Variants in ULBP2 observed in about 807,000 individuals in gnomAD.
ULBP2 encodes UL16-binding protein 2.
Under a neutral mutation model 23.6 loss-of-function variants are expected in ULBP2, and 21 were observed. The observed-to-expected ratio is 0.89, with a 90% CI of 0.63 to 1.28. The LOEUF (loss-of-function observed/expected upper bound fraction) is 1.28, where lower values mean the gene tolerates loss of function less well. ULBP2 is among the 50% of genes most tolerant of loss of function. The pLI is 0.00. For synonymous variants in ULBP2, 82 were observed against 112.8 expected, an observed-to-expected ratio of 0.73 and a Z score of 1.73; for missense variants, 251 against 306.0, an observed-to-expected ratio of 0.82 and a Z score of 1.34.
In ULBP2 at chr6:149,946,800, T is replaced by C. The variant is rs947204046; in HGVS notation, c.631+147T>C. ...CGTGGGGCGCTCCTCCTGGGGTTACTGGCATGCCTGTGCTCTCCCACCGTC... is the reference window on the plus strand; with the variant it reads ...CGTGGGGCGCTCCTCCTGGGGTTACCGGCATGCCTGTGCTCTCCCACCGTC... On this transcript the variant is annotated intron_variant, in intron 3 of 4. Coordinates refer to ENST00000367351, the MANE Select transcript of ULBP2 (RefSeq NM_025217.4). The C allele has an allele frequency of 5.9e-6, 8 of 1,362,056 alleles. No individual in the cohort carries two copies. The Admixed American group carries it at 6.8e-5, about 12-fold the overall frequency. 84.4% of individuals were successfully genotyped at this position (1,362,056 alleles called of 1,614,324 possible).
Position 149,942,146 on chromosome 6 carries a change from C to G in ULBP2, c.74C>G (p.Ala25Gly), listed in dbSNP as rs757838012. The G allele has an allele frequency of 6.2e-7, 1 of 1,605,966 alleles. No individual in the cohort carries two copies. The highest frequency in any genetic ancestry group is 2.3e-5 in the East Asian group (1 of 44,300). Residue 25 changes from alanine to glycine, a missense_variant, in exon 1 of 5, where the codon GCT (alanine) becomes GGT (glycine). Transcript: ENST00000367351. ...CTCCTGCTGTCCGGCTGGTCCCGGG[C>G]TGGGCGAGCCGGTGAGTTCGTGGAT... ...LLLLLSGWSR[A>G]GRADPHSLCY...
At chr6:149,946,341 A>G (rs1188683824) in intron 2 of ULBP2, 31 bp from the exon 3 acceptor site, 1 of 1,596,272 alleles carries the variant, frequency 6.3e-7, no homozygotes, top group Non-Finnish European at 8.6e-7. Context: ...ATTTGTCAAG[A>G]TCAGAGCTGA....
chr6:149,943,739 T>A (rs1340498518), intron 1 of ULBP2, among the ~76,000 whole-genome samples: 1 of 151,738 alleles, frequency 6.6e-6, no homozygotes, highest in African/African-American at 2.4e-5. Context: ...CAAGGTGCAG[T>A]ACTCTACAGG....
At chr6:149,942,631 C>T (rs1191812048) in intron 1 of ULBP2, among the ~76,000 whole-genome samples, 1 of 151,212 alleles carries the variant, frequency 6.6e-6, no homozygotes, top group African/African-American at 2.4e-5. Flanking sequence ...GGCTGCGTGC[C>T]CTTGAATTTT....
intron 4 of ULBP2, among the ~76,000 whole-genome samples, chr6:149,948,423 T>A (rs1328726917): frequency 1.3e-5 from 2 of 152,266 alleles, no homozygotes; most frequent in Admixed American, 6.5e-5. Flanking sequence ...GTTTTAGGCC[T>A]TCACATCAGA....
rs775982381 is a variant in ULBP2 at position 149,946,556 on chromosome 6, G to T, written c.534G>T (p.Val178=). 2.4e-5 allele frequency: 38 copies of T among 1,614,040 alleles called. No individual in the cohort carries two copies. Among genetic ancestry groups the T allele is most frequent in the Middle Eastern group, 3.3e-4 (2 of 6,084 alleles). ...MKEKWENDKV[V]AMSFHYFSMG... is the part of the protein sequence containing the mutation. ...AAAAGTGGGAGAATGACAAGGTTGT[G>T]GCCATGTCCTTCCATTACTTCTCAA... Residue 178 remains valine (V), a synonymous_variant, in exon 3 of 5, where the codon GTG becomes GTT. Coordinates refer to ENST00000367351, the MANE Select transcript of ULBP2 (RefSeq NM_025217.4).
rs1778942621 is a variant in ULBP2, at chr6:149,946,455, G to A, written c.433G>A (p.Gly145Arg). Residue 145 changes from glycine to arginine, a missense_variant, in exon 3 of 5, where the codon GGG (glycine) becomes AGG (arginine). Gly to Arg is a moderately radical substitution (Grantham distance 125). This residue lies in a region of ULBP2 where 248 missense variants were observed against 258.9 expected (regional missense o/e 0.96). Coordinates refer to ENST00000367351, the MANE Select transcript of ULBP2 (RefSeq NM_025217.4). ...TGGATCTTGGCAGTTCAGTTTCGAT[G>A]GGCAGATCTTCCTCCTCTTTGACTC... ...SSGSWQFSFD[G>R]QIFLLFDSEK... The A allele has an allele frequency of 1.2e-6, 2 of 1,614,178 alleles. No homozygotes were observed. The highest frequency in any genetic ancestry group is 1.3e-5 in the African/African-American group (1 of 75,024).
At chr6:149,942,433 C>T (rs1453775314) in intron 1 of ULBP2, among the ~76,000 whole-genome samples, 4 of 152,196 alleles carry the variant, frequency 2.6e-5, no homozygotes, top group African/African-American at 9.6e-5. Context: ...GGGCGGGGAT[C>T]CCTGGTGCAG....
rs548198618 is a variant in ULBP2, at chr6:149,946,509, C to G, written c.487C>G (p.Pro163Ala). 63 of 1,614,116 alleles carry G rather than the reference C, an allele frequency of 3.9e-5. No individual in the cohort carries two copies. In the East Asian group the frequency reaches 1.2e-3, roughly 32 times the overall value. ...GAAGAGAATGTGGACAACGGTTCAT[C>G]CTGGAGCCAGAAAGATGAAAGAAAA... The part of the protein sequence containing the change: ...SEKRMWTTVH[P>A]GARKMKEKWE... Residue 163 changes from proline (P) to alanine (A), a missense_variant, in exon 3 of 5, where the codon CCT becomes GCT. Pro to Ala is a conservative substitution (Grantham distance 27, BLOSUM62 -1). Transcript: ENST00000367351.
chr6:149,942,192 AC>A, intron 1 of ULBP2, 35 bp downstream of exon 1: 1 of 1,604,272 alleles, frequency 6.2e-7, no homozygotes, highest in Non-Finnish European at 8.5e-7. Context: ...CCGGGCGGGG[AC>A]CAAGCCTGGA....
intron 1 of ULBP2, among the ~76,000 whole-genome samples, chr6:149,942,365 G>C (rs1295619991): frequency 1.3e-5 from 2 of 152,202 alleles, no homozygotes; most frequent in African/African-American, 4.8e-5. Flanking sequence ...AAAGGAGCGG[G>C]GTGGAAAGGA....
In ULBP2 at chr6:149,948,821, G is replaced by C. The variant is rs1435810436; in HGVS notation, c.*121G>C. ...CACGACCTACGGTGTATGTCCAGTG[G>C]CCTCCAGCAGATCATGATGACATCA... On this transcript the variant is annotated 3_prime_UTR_variant, in exon 5 of 5. Transcript: ENST00000367351. 6.6e-6 allele frequency: 3 copies of C among 455,350 alleles called. No individual in the cohort carries two copies. The highest frequency in any genetic ancestry group is 1.4e-4 in the East Asian group (2 of 14,368). 28.2% of individuals were successfully genotyped at this position (455,350 alleles called of 1,614,324 possible). A position where few individuals can be genotyped will look rare whatever the true frequency, so the allele number is the denominator to read the frequency against.
chr6:149,948,645 G>C (rs1309254002), intron 4 of ULBP2, 78 bp from the exon 5 acceptor site: 1 of 456,554 alleles, frequency 2.2e-6, no homozygotes, highest in African/African-American at 2.0e-5. Flanking sequence ...GAGACATAGA[G>C]TGACTAGGGA....
chr6:149,943,541 C>T (rs1778895268), intron 1 of ULBP2, among the ~76,000 whole-genome samples: 1 of 152,078 alleles, frequency 6.6e-6, no homozygotes, highest in East Asian at 1.9e-4. Context: ...CTGCTCCTGC[C>T]CATCCCAGAA....
chr6:149,948,046 G>T (rs1431066317), intron 4 of ULBP2, among the ~76,000 whole-genome samples: 16 of 152,212 alleles, frequency 1.1e-4, no homozygotes, highest in Admixed American at 1.0e-3. Flanking sequence ...CTCAAGAGAA[G>T]GATTTTTAAA....
chr6:149,945,937 T>A (rs1778932054), intron 2 of ULBP2, among the ~76,000 whole-genome samples: 1 of 95,448 alleles, frequency 1.0e-5, no homozygotes, highest in Admixed American at 1.3e-4. Context: ...TGAGACTTTG[T>A]CTCAAAAAAA....
chr6:149,947,721 A>G (rs1419979018), intron 4 of ULBP2, among the ~76,000 whole-genome samples: 1 of 151,986 alleles, frequency 6.6e-6, no homozygotes, highest in African/African-American at 2.4e-5. Context: ...GAGCTTGAGA[A>G]GGTTTAGCAA....
Position 149,943,790 on chromosome 6 carries a change from A to G in ULBP2, c.86-1519A>G, listed in dbSNP as rs1778898148. Among the ~76,000 whole-genome samples, 4 of 151,956 alleles carry G rather than the reference A, an allele frequency of 2.6e-5. No homozygotes were observed. The South Asian group carries it at 8.3e-4, about 32-fold the overall frequency. On this transcript the variant is annotated intron_variant, in intron 1 of 4. Transcript: ENST00000367351. ...TTGCGATTTCCTTGCTGTGAGTGGC[A>G]TTGCCTTGTCTCTGAATATTCACAT...
At chr6:149,943,630 C>T (rs1488639234) in intron 1 of ULBP2, among the ~76,000 whole-genome samples, 1 of 152,200 alleles carries the variant, frequency 6.6e-6, no homozygotes, top group Non-Finnish European at 1.5e-5. Flanking sequence ...TAATGGGCAG[C>T]TCTGAGGCCT....
Sources: gnomAD v4.1 joint callset for allele counts (sites outside exome capture counted in the v4.1 genomes callset) on GRCh38, gnomAD v4.1.1 for gene constraint, gnomAD v4.1.1 regional missense constraint, MANE v1.5 for transcripts, NCBI Gene and HGNC (gene_info 2026-07-23, HGNC 2026-07-21) for gene names.